Variants in PHACTR4 observed in about 807,000 individuals in gnomAD.
PHACTR4 encodes the protein phosphatase and actin regulator 4.
Under a neutral mutation model 72.7 loss-of-function variants are expected in PHACTR4, and 51 were observed. That is an observed-to-expected ratio of 0.70 (90% CI 0.56 to 0.89). PHACTR4 has a LOEUF of 0.89. Ranked by LOEUF, PHACTR4 falls within the 40% of genes least tolerant of loss-of-function variation. The pLI is 0.00. For synonymous variants in PHACTR4, 255 were observed against 302.5 expected (o/e 0.84, Z 1.63); for missense variants, 731 against 861.8 (o/e 0.85, Z 1.90).
At chr1:28,459,050 T>A (rs758233564) in intron 2 of PHACTR4, 35 bp from the exon 3 acceptor site, 1 of 1,551,208 alleles carries the variant, frequency 6.4e-7, no homozygotes, top group Non-Finnish European at 8.8e-7. Context: ...AAATAATACA[T>A]TTGCTTCCTT....
intron 2 of PHACTR4, among the ~76,000 whole-genome samples, chr1:28,444,828 C>T (rs1399825959): frequency 9.6e-5 from 14 of 146,430 alleles, no homozygotes; most frequent in Middle Eastern, 3.5e-3. Flanking sequence ...GGGGTTTCAC[C>T]GTGTTAGCCA....
At chr1:28,482,620 T>C (rs1660347964) in intron 9 of PHACTR4, among the ~76,000 whole-genome samples, 2 of 152,148 alleles carry the variant, frequency 1.3e-5, no homozygotes, top group South Asian at 4.1e-4. Context: ...AATTAAAATT[T>C]CTTTTTCTGT....
chr1:28,433,914 G>A (rs1656459256), intron 2 of PHACTR4, among the ~76,000 whole-genome samples: 1 of 152,272 alleles, frequency 6.6e-6, no homozygotes. Flanking sequence ...CTGAGTAGCT[G>A]GGATTACAGG....
intron 12 of PHACTR4, 113 bp from the exon 13 acceptor site, chr1:28,492,902 T>A: frequency 1.2e-6 from 1 of 817,142 alleles, no homozygotes; most frequent in South Asian, 1.6e-5. Flanking sequence ...CTGGGTTGCC[T>A]GTGAGGGGTT....
At chr1:28,405,896 A>T (rs1355780068) in intron 1 of PHACTR4, among the ~76,000 whole-genome samples, 3 of 152,028 alleles carry the variant, frequency 2.0e-5, no homozygotes, top group Non-Finnish European at 4.4e-5. Flanking sequence ...ATCTTAAAAA[A>T]AAAAGGAATA....
chr1:28,393,166 T>C (rs1164033812), intron 1 of PHACTR4, among the ~76,000 whole-genome samples: 5 of 152,158 alleles, frequency 3.3e-5, no homozygotes, highest in Admixed American at 3.3e-4. Context: ...AAACAAAATA[T>C]GGCACAATCT....
chr1:28,489,317 A>G lies in PHACTR4; in HGVS notation c.1816+92A>G, dbSNP rs1660895676. On this transcript the variant is annotated intron_variant, in intron 10 of 13. Transcript: ENST00000373839. ...AAAAGAAAAAAGAAGCGTTTGCTACAAGGGCTAAGGGAGAGTGTTCCAGCC... is the reference window on the plus strand; with the variant it reads ...AAAAGAAAAAAGAAGCGTTTGCTACGAGGGCTAAGGGAGAGTGTTCCAGCC... The G allele has an allele frequency of 8.7e-6, 9 of 1,029,542 alleles. No homozygotes were observed. The Admixed American group carries it at 2.3e-4, about 26-fold the overall frequency. The allele number at this position is 1,029,542 out of a possible 1,614,324, so 63.8% of individuals were successfully genotyped here. A position where few individuals can be genotyped will look rare whatever the true frequency, so the allele number is the denominator to read the frequency against.
rs560792972 is a variant in PHACTR4, at chr1:28,417,067, C to T, written c.16+9604C>T. Among the ~76,000 whole-genome samples, 163 of 151,254 alleles carry T rather than the reference C, an allele frequency of 1.1e-3. 1 individual carries two copies. The highest frequency in any genetic ancestry group is 3.8e-3 in the African/African-American group (155 of 41,170). On this transcript the variant is annotated intron_variant, in intron 2 of 13. Transcript: ENST00000373839. ...TTTTTCTTTTTTTTGCTGTTCCCCC[C>T]TTCCTTCCCCCTGAAATGGGTAATT...
At chr1:28,414,140 A>G (rs947235852) in intron 2 of PHACTR4, among the ~76,000 whole-genome samples, 2 of 152,090 alleles carry the variant, frequency 1.3e-5, no homozygotes, top group African/African-American at 4.8e-5. Flanking sequence ...CAGTGGCGCC[A>G]TCTCAGCTTA....
chr1:28,418,036 G>A (rs1655222040), intron 2 of PHACTR4, among the ~76,000 whole-genome samples: 2 of 152,084 alleles, frequency 1.3e-5, no homozygotes, highest in Non-Finnish European at 2.9e-5. Flanking sequence ...TATTTGGGAG[G>A]CTCAGGTGGG....
At chr1:28,424,021 T>C (rs1196687318) in intron 2 of PHACTR4, among the ~76,000 whole-genome samples, 2 of 151,992 alleles carry the variant, frequency 1.3e-5, no homozygotes, top group Non-Finnish European at 2.9e-5. Context: ...GTTTTTACCA[T>C]TTAGGGAAAT....
rs528798271 is a variant in PHACTR4 at position 28,439,102 on chromosome 1, T to C, written c.17-19983T>C. On this transcript the variant is annotated intron_variant, in intron 2 of 13. Transcript: ENST00000373839. Reference sequence around the variant, plus strand: ...AGCTCATTTTCCTAATCTTGTAGGGTTTTATATGACAATCATAAATTGGGA... The same window carrying C: ...AGCTCATTTTCCTAATCTTGTAGGGCTTTATATGACAATCATAAATTGGGA... Among the ~76,000 whole-genome samples the C allele has an allele frequency of 1.1e-3, 162 of 152,274 alleles. 1 individual carries two copies. The highest frequency in any genetic ancestry group is 3.7e-3 in the African/African-American group (154 of 41,556).
intron 2 of PHACTR4, among the ~76,000 whole-genome samples, chr1:28,437,891 A>G (rs1288314131): frequency 6.6e-6 from 1 of 152,202 alleles, no homozygotes; most frequent in Non-Finnish European, 1.5e-5. Flanking sequence ...CTTTGAATGG[A>G]CTACTGCTCC....
chr1:28,473,447 C>G, intron 6 of PHACTR4, 107 bp from the exon 7 acceptor site: 1 of 828,908 alleles, frequency 1.2e-6, no homozygotes, highest in Non-Finnish European at 1.9e-6. Context: ...AATTATTTAA[C>G]TTGCTTAAAA....
At chr1:28,425,927 A>G (rs1655809503) in intron 2 of PHACTR4, among the ~76,000 whole-genome samples, 1 of 152,016 alleles carries the variant, frequency 6.6e-6, no homozygotes, top group Non-Finnish European at 1.5e-5. Context: ...GTTCCTTAAT[A>G]GATGTCAACT....
chr1:28,440,944 A>C lies in PHACTR4; in HGVS notation c.17-18141A>C, dbSNP rs546734314. 2.0e-5 allele frequency among the ~76,000 whole-genome samples: 3 copies of C among 152,322 alleles called. No individual in the cohort carries two copies. In the South Asian group the frequency reaches 6.2e-4, roughly 32 times the overall value. ...TTAAAACCTAAATTATCTGTTTACT[A>C]TTCTAGGCCTATAATACAGCACTTA... is the stretch of plus-strand genomic sequence containing the variant. On this transcript the variant is annotated intron_variant, in intron 2 of 13. Coordinates refer to ENST00000373839, the MANE Select transcript of PHACTR4 (RefSeq NM_001048183.3).
At chr1:28,433,881 A>T (rs1038819335) in intron 2 of PHACTR4, among the ~76,000 whole-genome samples, 5 of 152,014 alleles carry the variant, frequency 3.3e-5, no homozygotes, top group African/African-American at 4.8e-5. Flanking sequence ...CCTGGATTCA[A>T]GCCATTCTCC....
chr1:28,453,680 C>A (rs909594554), intron 2 of PHACTR4: 28 of 1,274,358 alleles, frequency 2.2e-5, no homozygotes, highest in Non-Finnish European at 2.5e-5. Context: ...AAGATGGACC[C>A]GTCCTGGTTC....
chr1:28,482,954 G>A (rs6700020), intron 9 of PHACTR4, among the ~76,000 whole-genome samples: 55,405 of 146,360 alleles, frequency 0.38, 11,554 homozygotes, highest in African/African-American at 0.58. Context: ...AAAAAAAAAA[G>A]AGACACCTGG....
Sources: gnomAD v4.1 joint callset for allele counts (sites outside exome capture counted in the v4.1 genomes callset) on GRCh38, gnomAD v4.1.1 for gene constraint, MANE v1.5 for transcripts, NCBI Gene and HGNC (gene_info 2026-07-23, HGNC 2026-07-21) for gene names.